The following DCLK1 variants were observed in gnomAD, a reference collection of about 807,000 sequenced individuals.
DCLK1 encodes doublecortin like kinase 1, also known as serine/threonine-protein kinase DCLK1.
DCLK1 carries 16 observed loss-of-function variants against 86.2 expected under a neutral mutation model. The ratio of observed to expected loss-of-function variants is 0.19; its 90% CI spans 0.13 to 0.28. The LOEUF is 0.28. DCLK1 is among the 10% of genes least tolerant of loss of function. The pLI is 1.00. For missense variants in DCLK1, 590 were observed against 940.2 expected, an observed-to-expected ratio of 0.63 and a Z score of 4.87; for synonymous variants, 369 against 370.5, an observed-to-expected ratio of 1.00 and a Z score of 0.05.
intron 5 of DCLK1, chr13:35,855,872 G>A (rs1871024895): frequency 8.9e-7 from 1 of 1,122,254 alleles, no homozygotes; most frequent in Non-Finnish European, 1.1e-6. Context: ...GGCCCTGGGG[G>A]CAAGAGATCC....
chr13:36,108,852 C>T (rs1885505663), intron 3 of DCLK1, among the ~76,000 whole-genome samples: 1 of 152,154 alleles, frequency 6.6e-6, no homozygotes, highest in Admixed American at 6.5e-5. Context: ...TTGTTGGCAG[C>T]ATATGGACCC....
chr13:36,086,805 C>A (rs1884624466), intron 3 of DCLK1, among the ~76,000 whole-genome samples: 1 of 152,102 alleles, frequency 6.6e-6, no homozygotes, highest in Non-Finnish European at 1.5e-5. Context: ...TGAACTCACT[C>A]TTTTTTATGG....
intron 6 of DCLK1, chr13:35,846,851 C>A: frequency 1.0e-6 from 1 of 985,202 alleles, no homozygotes. Flanking sequence ...TATATACACA[C>A]ATACAGCAAG....
At chr13:35,859,230 T>C (rs1357959289) in intron 5 of DCLK1, among the ~76,000 whole-genome samples, 1 of 152,236 alleles carries the variant, frequency 6.6e-6, no homozygotes, top group African/African-American at 2.4e-5. Flanking sequence ...GAACAATTAA[T>C]TATTTCAATC....
chr13:35,993,715 T>C (rs1880346937), intron 3 of DCLK1, among the ~76,000 whole-genome samples: 1 of 152,218 alleles, frequency 6.6e-6, no homozygotes, highest in Non-Finnish European at 1.5e-5. Flanking sequence ...GAGGAATTAG[T>C]TAACATTTTT....
At chr13:36,011,938 T>C (rs1454516132) in intron 3 of DCLK1, among the ~76,000 whole-genome samples, 6 of 150,638 alleles carry the variant, frequency 4.0e-5, no homozygotes, top group African/African-American at 7.4e-5. Flanking sequence ...ATATTTAGGA[T>C]AGTTAGCTCC....
At chr13:36,053,616 A>G (rs2153157645) in intron 3 of DCLK1, among the ~76,000 whole-genome samples, 1 of 147,582 alleles carries the variant, frequency 6.8e-6, no homozygotes, top group South Asian at 2.2e-4. Flanking sequence ...GTGTGTGTAT[A>G]TAGTATCACG....
At chr13:36,096,271 C>T (rs1481401075) in intron 3 of DCLK1, among the ~76,000 whole-genome samples, 1 of 152,138 alleles carries the variant, frequency 6.6e-6, no homozygotes, top group Non-Finnish European at 1.5e-5. Context: ...TCTTTCCCAT[C>T]TTGTAAGAGG....
At chr13:35,887,712 G>T (rs905837085) in intron 4 of DCLK1, among the ~76,000 whole-genome samples, 1 of 151,902 alleles carries the variant, frequency 6.6e-6, no homozygotes, top group African/African-American at 2.4e-5. Context: ...CCTATGTCAT[G>T]TAGCTAGATT....
chr13:35,912,962 G>A (rs145914374), intron 4 of DCLK1, among the ~76,000 whole-genome samples: 1 of 152,336 alleles, frequency 6.6e-6, no homozygotes, highest in East Asian at 1.9e-4. Flanking sequence ...AGAGTAGCTG[G>A]CCGGATCCTG....
At chr13:35,937,703 A>C (rs74533894) in intron 4 of DCLK1, among the ~76,000 whole-genome samples, 2,448 of 152,272 alleles carry the variant, frequency 0.016, 74 homozygotes, top group African/African-American at 0.056. Context: ...CATAAACCTC[A>C]AAGGATGGGG....
At chr13:36,025,866 T>G (rs915812813) in intron 3 of DCLK1, among the ~76,000 whole-genome samples, 4 of 152,092 alleles carry the variant, frequency 2.6e-5, no homozygotes, top group African/African-American at 9.7e-5. Context: ...AAAAGATCAC[T>G]GTTACAGCAA....
At chr13:36,058,788 T>C (rs1010878684) in intron 3 of DCLK1, among the ~76,000 whole-genome samples, 5 of 152,168 alleles carry the variant, frequency 3.3e-5, no homozygotes, top group Non-Finnish European at 5.9e-5. Context: ...TATGTTGAAT[T>C]TGGCATCCAG....
At chr13:36,078,867 T>C (rs1311998322) in intron 3 of DCLK1, among the ~76,000 whole-genome samples, 2 of 152,194 alleles carry the variant, frequency 1.3e-5, no homozygotes, top group African/African-American at 4.8e-5. Flanking sequence ...ATTTTGCATT[T>C]TTACTAGGCT....
chr13:35,803,887 T>C (rs1187503595), intron 15 of DCLK1, among the ~76,000 whole-genome samples: 2 of 152,140 alleles, frequency 1.3e-5, no homozygotes, highest in East Asian at 3.8e-4. Flanking sequence ...TATGACCACG[T>C]CCATATATAT....
intron 4 of DCLK1, among the ~76,000 whole-genome samples, chr13:35,916,267 A>G (rs1875402318): frequency 6.6e-6 from 1 of 152,240 alleles, no homozygotes; most frequent in African/African-American, 2.4e-5. Context: ...CAGGACAGAA[A>G]TAGCAAATGA....
chr13:35,804,094 A>C (rs530145044), intron 15 of DCLK1, among the ~76,000 whole-genome samples: 4 of 152,266 alleles, frequency 2.6e-5, no homozygotes, highest in African/African-American at 9.6e-5. Context: ...CAGACTCTAG[A>C]AGTTAAGCAT....
chr13:35,944,381 C>T lies in DCLK1; in HGVS notation c.823+2977G>A, dbSNP rs79765353. ...AAGATGTCTGTACCCACCGCTGACA[C>T]CCCTTTAAGGAAGCTACTATGGAAA... On this transcript the variant is annotated intron_variant, in intron 4 of 16. Transcript: ENST00000360631. Among the ~76,000 whole-genome samples, 931 of 152,308 alleles carry T rather than the reference C, an allele frequency of 6.1e-3. 8 individuals are homozygous for T. Among genetic ancestry groups the T allele is most frequent in the African/African-American group, 0.018 (734 of 41,574 alleles).
chr13:36,079,286 A>T (rs1884329710), intron 3 of DCLK1, among the ~76,000 whole-genome samples: 1 of 152,214 alleles, frequency 6.6e-6, no homozygotes, highest in Non-Finnish European at 1.5e-5. Context: ...GCATGAGGAT[A>T]TAGAAGCCTT....
Sources: allele counts gnomAD v4.1 joint callset (sites outside exome capture counted in the v4.1 genomes callset), GRCh38; gene constraint gnomAD v4.1.1; transcripts MANE v1.5; gene names NCBI Gene and HGNC (gene_info 2026-07-23, HGNC 2026-07-21).